Variants in KCNU1 observed in about 807,000 individuals in gnomAD.
The protein encoded by KCNU1 is potassium calcium-activated channel subfamily U member 1, also known as potassium channel subfamily U member 1.
Under a neutral mutation model 126.8 loss-of-function variants are expected in KCNU1, and 93 were observed. The ratio of observed to expected loss-of-function variants is 0.73; its 90% CI spans 0.62 to 0.87. KCNU1 has a LOEUF of 0.87. KCNU1 is among the 40% of genes least tolerant of loss of function. The probability of loss-of-function intolerance (pLI) is 0.00; values close to 1 mark genes in which losing one functional copy is unlikely to be tolerated. For missense variants in KCNU1, 1,330 were observed against 1,367.1 expected, an observed-to-expected ratio of 0.97 and a Z score of 0.43; for synonymous variants, 523 against 494.2, an observed-to-expected ratio of 1.06 and a Z score of -0.77.
At chr8:36,907,263 A>G (rs1398279658) in intron 20 of KCNU1, among the ~76,000 whole-genome samples, 3 of 152,138 alleles carry the variant, frequency 2.0e-5, no homozygotes, top group African/African-American at 7.2e-5. Context: ...TTTTGAACAA[A>G]TAGGACATCC....
rs78076438 is a variant in KCNU1 at position 36,824,665 on chromosome 8, A to G, written c.1106+6905A>G. Among the ~76,000 whole-genome samples the G allele has an allele frequency of 1.8e-4, 27 of 152,212 alleles. No homozygotes were observed. In the East Asian group the frequency reaches 4.1e-3, roughly 23 times the overall value. Reference sequence around the variant, plus strand: ...TAGAAATAACTACAGTTCGGACATTATATCTTATTATTTTTTGTCTTATCT... The same window carrying G: ...TAGAAATAACTACAGTTCGGACATTGTATCTTATTATTTTTTGTCTTATCT... On this transcript the variant is annotated intron_variant, in intron 10 of 26. Coordinates refer to ENST00000399881, the MANE Select transcript of KCNU1 (RefSeq NM_001031836.3).
intron 18 of KCNU1, among the ~76,000 whole-genome samples, chr8:36,859,179 A>G (rs1489447905): frequency 6.6e-6 from 1 of 152,230 alleles, no homozygotes; most frequent in African/African-American, 2.4e-5. Context: ...ACATTATTTT[A>G]GAAAGAGGCT....
intron 19 of KCNU1, among the ~76,000 whole-genome samples, chr8:36,884,708 G>C (rs940425807): frequency 6.6e-6 from 1 of 151,426 alleles, no homozygotes; most frequent in African/African-American, 2.4e-5. Context: ...TGGACTTCTG[G>C]GTAACAGAGC....
rs1195851440 is a variant in KCNU1, at chr8:36,817,219, G to A, written c.996-431G>A. Among the ~76,000 whole-genome samples, 4 of 151,278 alleles carry A rather than the reference G, an allele frequency of 2.6e-5. No individual in the cohort carries two copies. In the East Asian group the frequency reaches 5.9e-4, roughly 22 times the overall value. On this transcript the variant is annotated intron_variant, in intron 9 of 26. Transcript: ENST00000399881. ...AATGTTTAAAATCTGGGTGATGCAG[G>A]CCAGGCACAGTGGCTCGTGCCTGTA... is the stretch of plus-strand genomic sequence containing the variant.
At chr8:36,894,563 A>G (rs1291782434) in intron 19 of KCNU1, among the ~76,000 whole-genome samples, 1 of 152,102 alleles carries the variant, frequency 6.6e-6, no homozygotes, top group East Asian at 1.9e-4. Context: ...AAAATGAGGA[A>G]AATAGTTGTG....
At chr8:36,808,414 A>G (rs1291130694) in intron 6 of KCNU1, among the ~76,000 whole-genome samples, 2 of 152,134 alleles carry the variant, frequency 1.3e-5, no homozygotes, top group East Asian at 1.9e-4. Flanking sequence ...AAAAAGTGAT[A>G]TGAGGCTAGT....
Position 36,830,756 on chromosome 8 carries a change from AATTT to A in KCNU1, c.1107-2790_1107-2787del, listed in dbSNP as rs561422957. On this transcript the variant is annotated intron_variant, in intron 10 of 26. Coordinates refer to ENST00000399881, the MANE Select transcript of KCNU1 (RefSeq NM_001031836.3). ...TTTGAGAGATTTTTTTCTTTTTTTT[AATTT>A]ATTTATTATTATTATACTTTAAGTT... Among the ~76,000 whole-genome samples the A allele has an allele frequency of 4.3e-3, 647 of 149,306 alleles. 7 individuals carry two copies. The highest frequency in any genetic ancestry group is 0.015 in the African/African-American group (609 of 40,694).
intron 15 of KCNU1, 36 bp downstream of exon 15, chr8:36,840,611 C>A: frequency 8.5e-7 from 1 of 1,170,058 alleles, no homozygotes; most frequent in Non-Finnish European, 1.3e-6. Flanking sequence ...ATTCTTCAGA[C>A]AACAGCATTC....
chr8:36,800,871 C>T (rs571787443), intron 2 of KCNU1, among the ~76,000 whole-genome samples: 37 of 152,296 alleles, frequency 2.4e-4, no homozygotes, highest in South Asian at 2.3e-3. Context: ...AGTTCAGCAA[C>T]GTGCTTCAGC....
At position 36,813,235 on chromosome 8, in the gene KCNU1, C is replaced by A. The variant is rs143665796; in HGVS notation, c.733-972C>A. On this transcript the variant is annotated intron_variant, in intron 7 of 26. Transcript: ENST00000399881. ...CTATTCATTAAATTTAAGAAAGGAT[C>A]AGCACTTGGCACATCACTTTTAAAA... Among the ~76,000 whole-genome samples the A allele has an allele frequency of 2.0e-3, 308 of 152,156 alleles. 5 individuals carry two copies. The highest frequency in any genetic ancestry group is 7.0e-3 in the African/African-American group (292 of 41,504).
At chr8:36,917,561 G>A (rs1187424708) in intron 22 of KCNU1, among the ~76,000 whole-genome samples, 2 of 150,656 alleles carry the variant, frequency 1.3e-5, no homozygotes, top group East Asian at 3.9e-4. Flanking sequence ...TCTCTATGTT[G>A]CCCAGGATTG....
At chr8:36,911,350 G>A (rs185146014) in intron 22 of KCNU1, among the ~76,000 whole-genome samples, 8 of 152,084 alleles carry the variant, frequency 5.3e-5, no homozygotes, top group East Asian at 3.9e-4. Context: ...TGCACTTAAC[G>A]CAGTTTTTTT....
At chr8:36,910,727 A>T (rs1313062303) in intron 21 of KCNU1, among the ~76,000 whole-genome samples, 2 of 152,146 alleles carry the variant, frequency 1.3e-5, no homozygotes, top group Admixed American at 6.5e-5. Flanking sequence ...GAAAGAATCT[A>T]TGAAATGTAT....
chr8:36,858,193 A>AAC (rs1554508966), intron 18 of KCNU1, among the ~76,000 whole-genome samples: 1 of 151,764 alleles, frequency 6.6e-6, no homozygotes, highest in African/African-American at 2.4e-5. Flanking sequence ...AAAAAAAAAA[A>AAC]AAAAAACTGT....
chr8:36,918,147 A>G (rs1808191451), intron 22 of KCNU1, among the ~76,000 whole-genome samples: 2 of 152,234 alleles, frequency 1.3e-5, no homozygotes, highest in African/African-American at 4.8e-5. Context: ...TACCTAGCAC[A>G]GCCACTCAGT....
chr8:36,935,385 C>CA, intron 26 of KCNU1, 130 bp from the exon 27 acceptor site: 1 of 693,250 alleles, frequency 1.4e-6, no homozygotes. Context: ...ATCAGAAACC[C>CA]ATGAAGCAAA....
chr8:36,922,861 C>T (rs1366130989), intron 24 of KCNU1: 1 of 587,764 alleles, frequency 1.7e-6, no homozygotes, highest in Non-Finnish European at 3.1e-6. Context: ...AGCCAGAACC[C>T]CTGATGCCAG....
At chr8:36,866,942 A>C (rs774991801) in intron 19 of KCNU1, among the ~76,000 whole-genome samples, 9 of 152,206 alleles carry the variant, frequency 5.9e-5, no homozygotes, top group Non-Finnish European at 1.2e-4. Flanking sequence ...TGACTTGATC[A>C]TTACACATTC....
At chr8:36,915,394 C>A (rs1226499073) in intron 22 of KCNU1, among the ~76,000 whole-genome samples, 2 of 152,204 alleles carry the variant, frequency 1.3e-5, no homozygotes. Flanking sequence ...GTATGTAAAT[C>A]CTGGCTGCAG....
Sources: gnomAD v4.1 joint callset for allele counts (sites outside exome capture counted in the v4.1 genomes callset) on GRCh38, gnomAD v4.1.1 for gene constraint, MANE v1.5 for transcripts, NCBI Gene and HGNC (gene_info 2026-07-23, HGNC 2026-07-21) for gene names.